The following RAB27B variants were observed in gnomAD, a reference collection of about 807,000 sequenced individuals.
The protein encoded by RAB27B is RAB27B, member RAS oncogene family.
A neutral mutation model predicts 24.6 loss-of-function variants in RAB27B; 15 were observed. The ratio of observed to expected loss-of-function variants is 0.61; its 90% CI spans 0.41 to 0.94. The LOEUF (loss-of-function observed/expected upper bound fraction) is 0.94. Among genes scored for constraint, RAB27B ranks in the 40% least tolerant of loss-of-function variants. RAB27B has a pLI of 0.00. For synonymous variants in RAB27B, 105 were observed against 92.5 expected, an observed-to-expected ratio of 1.14 and a Z score of -0.78; for missense variants, 261 against 266.8, an observed-to-expected ratio of 0.98 and a Z score of 0.15.
At chr18:54,862,843 G>A (rs1022367425) in intron 1 of RAB27B, among the ~76,000 whole-genome samples, 12 of 152,270 alleles carry the variant, frequency 7.9e-5, no homozygotes, top group Middle Eastern at 3.4e-3. Flanking sequence ...GAGCACATGT[G>A]CACAGAAGAT....
At chr18:54,821,851 T>G (rs1436566090) in intron 2 of RAB27B, among the ~76,000 whole-genome samples, 1 of 152,234 alleles carries the variant, frequency 6.6e-6, no homozygotes, top group Admixed American at 6.5e-5. Context: ...CCTCCGGGGC[T>G]GAAGCAATTC....
At chr18:54,789,325 T>A (rs1238186152) in intron 2 of RAB27B, among the ~76,000 whole-genome samples, 1 of 152,188 alleles carries the variant, frequency 6.6e-6, no homozygotes, top group African/African-American at 2.4e-5. Context: ...TATACCATGG[T>A]ATGCTTTTAG....
At chr18:54,888,569 G>GT (rs1471405205) in intron 5 of RAB27B, among the ~76,000 whole-genome samples, 1 of 151,858 alleles carries the variant, frequency 6.6e-6, no homozygotes, top group Admixed American at 6.6e-5. Flanking sequence ...TCCCTGACAA[G>GT]GGTATGAAAA....
intron 1 of RAB27B, among the ~76,000 whole-genome samples, chr18:54,871,212 T>C (rs1178464230): frequency 6.6e-6 from 1 of 152,166 alleles, no homozygotes; most frequent in Non-Finnish European, 1.5e-5. Context: ...AAAAATACAC[T>C]AAAGAAGCTT....
chr18:54,886,063 C>G (rs1398189823), intron 4 of RAB27B, among the ~76,000 whole-genome samples: 2 of 152,132 alleles, frequency 1.3e-5, no homozygotes, highest in Non-Finnish European at 2.9e-5. Flanking sequence ...CCCCACCTCC[C>G]ACATTGGGGA....
intron 2 of RAB27B, among the ~76,000 whole-genome samples, chr18:54,770,648 T>C (rs1908515066): frequency 6.6e-6 from 1 of 152,032 alleles, no homozygotes; most frequent in South Asian, 2.1e-4. Flanking sequence ...AAAATTGTCT[T>C]CCACAAAACC....
chr18:54,829,093 G>A (rs980546788), intron 1 of RAB27B, among the ~76,000 whole-genome samples: 1 of 152,190 alleles, frequency 6.6e-6, no homozygotes, highest in Non-Finnish European at 1.5e-5. Flanking sequence ...CATTCCAGGA[G>A]GAGCGACTTA....
chr18:54,801,748 G>A (rs1909618425), intron 2 of RAB27B, among the ~76,000 whole-genome samples: 1 of 152,202 alleles, frequency 6.6e-6, no homozygotes, highest in Admixed American at 6.5e-5. Context: ...TGCCACAGGA[G>A]GAGGACAGTG....
chr18:54,836,844 C>T (rs751236027), intron 1 of RAB27B, among the ~76,000 whole-genome samples: 1 of 150,142 alleles, frequency 6.7e-6, no homozygotes, highest in African/African-American at 2.5e-5. Context: ...CTTCAAGGAG[C>T]AAAATTTCTG....
intron 1 of RAB27B, among the ~76,000 whole-genome samples, chr18:54,846,189 G>T (rs772155741): frequency 1.3e-5 from 2 of 152,160 alleles, no homozygotes; most frequent in African/African-American, 4.8e-5. Flanking sequence ...GATAAGTTTC[G>T]TTCAGGCATG....
intron 3 of RAB27B, among the ~76,000 whole-genome samples, chr18:54,883,492 G>T (rs1485348702): frequency 6.6e-6 from 1 of 152,068 alleles, no homozygotes; most frequent in Admixed American, 6.6e-5. Context: ...AACCTTCTCT[G>T]GTCCCTACAT....
intron 1 of RAB27B, among the ~76,000 whole-genome samples, chr18:54,835,827 C>A (rs1404644305): frequency 5.3e-5 from 8 of 151,964 alleles, no homozygotes; most frequent in East Asian, 3.8e-4. Context: ...TTGGCCTATA[C>A]AATCTCCCCA....
At chr18:54,873,852 A>C (rs1912583162) in intron 1 of RAB27B, among the ~76,000 whole-genome samples, 1 of 152,154 alleles carries the variant, frequency 6.6e-6, no homozygotes. Context: ...TACCTAGCTT[A>C]ATATGTCAAA....
At chr18:54,832,429 C>A (rs1181031032) in intron 1 of RAB27B, among the ~76,000 whole-genome samples, 2 of 152,146 alleles carry the variant, frequency 1.3e-5, no homozygotes, top group Admixed American at 6.5e-5. Flanking sequence ...TTATTTGCAG[C>A]CTTTTGAAGC....
In RAB27B at chr18:54,887,535, G is replaced by A. The variant is rs184221389; in HGVS notation, c.344-460G>A. Reference sequence around the variant, plus strand: ...GCACATGGATTGAAAAGATCTTCCAGAGGAATATATGTGATGTTTTAATGA... The same window carrying A: ...GCACATGGATTGAAAAGATCTTCCAAAGGAATATATGTGATGTTTTAATGA... On this transcript the variant is annotated intron_variant, in intron 4 of 5. Coordinates refer to ENST00000262094, the MANE Select transcript of RAB27B (RefSeq NM_004163.4). Among the ~76,000 whole-genome samples, 464 of 152,126 alleles carry A rather than the reference G, an allele frequency of 3.1e-3. 4 individuals carry two copies. The highest frequency in any genetic ancestry group is 0.011 in the African/African-American group (437 of 41,498).
intron 2 of RAB27B, among the ~76,000 whole-genome samples, chr18:54,768,823 AACTC>A (rs1158919568): frequency 1.3e-5 from 2 of 152,102 alleles, no homozygotes; most frequent in African/African-American, 4.8e-5. Flanking sequence ...ATCTCATGAG[AACTC>A]ACTCACTATC....
chr18:54,882,555 C>G (rs953103607), intron 3 of RAB27B, among the ~76,000 whole-genome samples: 1 of 152,198 alleles, frequency 6.6e-6, no homozygotes, highest in Non-Finnish European at 1.5e-5. Context: ...AGTGTTATTT[C>G]CTCTGATACC....
Position 54,857,728 on chromosome 18 carries a change from G to A in RAB27B, c.-19-19839G>A, listed in dbSNP as rs1202929886. On this transcript the variant is annotated intron_variant, in intron 1 of 5. Coordinates refer to ENST00000262094, the MANE Select transcript of RAB27B (RefSeq NM_004163.4). Reference sequence around the variant, plus strand: ...TGCACATGTGGGCAGGCATGCAGACGCAATGTGCACATGCTCTCATTATGA... The same window carrying A: ...TGCACATGTGGGCAGGCATGCAGACACAATGTGCACATGCTCTCATTATGA... 2.6e-5 allele frequency among the ~76,000 whole-genome samples: 4 copies of A among 151,306 alleles called. No individual in the cohort carries two copies. The East Asian group carries it at 5.8e-4, about 22-fold the overall frequency.
chr18:54,783,056 C>G (rs1908965940), intron 2 of RAB27B, among the ~76,000 whole-genome samples: 1 of 152,012 alleles, frequency 6.6e-6, no homozygotes, highest in Non-Finnish European at 1.5e-5. Context: ...TTCCTGGGTT[C>G]AAACGATTCT....
Sources: gnomAD v4.1 joint callset for allele counts (sites outside exome capture counted in the v4.1 genomes callset) on GRCh38, gnomAD v4.1.1 for gene constraint, MANE v1.5 for transcripts, NCBI Gene and HGNC (gene_info 2026-07-23, HGNC 2026-07-21) for gene names.